The following RNF24 variants were observed in gnomAD, a reference collection of about 807,000 sequenced individuals.
RNF24 encodes ring finger protein 24.
Under a neutral mutation model 20.0 loss-of-function variants are expected in RNF24, and 14 were observed. The observed-to-expected ratio is 0.70, with a 90% CI of 0.46 to 1.10. The LOEUF is 1.10. Ranked by LOEUF, RNF24 falls within the 50% of genes least tolerant of loss-of-function variation. RNF24 has a pLI of 0.00. For synonymous variants in RNF24, 45 were observed against 61.1 expected (o/e 0.74, Z 1.23); for missense variants, 124 against 177.6 (o/e 0.70, Z 1.71).
chr20:3,935,773 C>T (rs958805740), intron 4 of RNF24, among the ~76,000 whole-genome samples: 1 of 152,224 alleles, frequency 6.6e-6, no homozygotes, highest in Non-Finnish European at 1.5e-5. Flanking sequence ...CCCGTGGATA[C>T]CATGTGTCAC....
At chr20:3,979,981 C>G (rs1979245740) in intron 1 of RNF24, among the ~76,000 whole-genome samples, 1 of 151,844 alleles carries the variant, frequency 6.6e-6, no homozygotes. Flanking sequence ...TAATAAAGGT[C>G]AAACAAAAAT....
chr20:3,955,078 T>C (rs567154151), intron 2 of RNF24, among the ~76,000 whole-genome samples: 2 of 152,342 alleles, frequency 1.3e-5, no homozygotes, highest in African/African-American at 4.8e-5. Context: ...GGTATCTCAT[T>C]GTGTTTTTAA....
chr20:3,939,765 G>A (rs2090933326), intron 4 of RNF24, among the ~76,000 whole-genome samples: 1 of 152,094 alleles, frequency 6.6e-6, no homozygotes, highest in South Asian at 2.1e-4. Flanking sequence ...TGAAAAAGAT[G>A]ATTTGGTAAA....
rs528900822 is a variant in RNF24, at chr20:3,931,200, A to C, written c.*2863T>G. On this transcript the variant is annotated 3_prime_UTR_variant, in exon 6 of 6. Transcript: ENST00000358395. ...CACTAACCCATAGCAGACCAGCAAC[A>C]TTCTATCTTTGAGCTGCTTAAGAAA... 9.2e-5 allele frequency: 14 copies of C among 152,350 alleles called. No homozygotes were observed. The highest frequency in any genetic ancestry group is 9.2e-4 in the Admixed American group (14 of 15,296). 9.4% of individuals were successfully genotyped at this position (152,350 alleles called of 1,614,324 possible).
chr20:4,003,054 CT>C (rs1881887412), intron 1 of RNF24, among the ~76,000 whole-genome samples: 1 of 152,366 alleles, frequency 6.6e-6, no homozygotes, highest in East Asian at 1.9e-4. Context: ...ACTGCAACCT[CT>C]GCCGCCCGGG....
In RNF24 at chr20:3,933,667, C is replaced by T. The variant is rs1000903950; in HGVS notation, c.*396G>A. 1.7e-5 allele frequency: 3 copies of T among 172,888 alleles called. No homozygotes were observed. Among genetic ancestry groups the T allele is most frequent in the Non-Finnish European group, 3.6e-5 (3 of 82,250 alleles). 10.7% of individuals were successfully genotyped at this position (172,888 alleles called of 1,614,324 possible). ...GAAGGTTTGCTGCGACAAAGGCCTG[C>T]ATGGCCTACAGAGAAACCCATCCAT... On this transcript the variant is annotated 3_prime_UTR_variant, in exon 6 of 6. Coordinates refer to ENST00000358395, the MANE Select transcript of RNF24 (RefSeq NM_001134337.3).
At chr20:3,982,434 G>A (rs535986425) in intron 1 of RNF24, among the ~76,000 whole-genome samples, 5 of 151,730 alleles carry the variant, frequency 3.3e-5, no homozygotes, top group East Asian at 3.9e-4. Flanking sequence ...AAAATTAGCC[G>A]GGCCTGGTGG....
At chr20:3,989,274 G>C (rs1305643414) in intron 1 of RNF24, among the ~76,000 whole-genome samples, 1 of 152,024 alleles carries the variant, frequency 6.6e-6, no homozygotes, top group Non-Finnish European at 1.5e-5. Flanking sequence ...GGCGGATCAC[G>C]AGGTCAGGAG....
chr20:4,011,833 T>C lies in RNF24; in HGVS notation c.-8+3604A>G, dbSNP rs1018872209. On this transcript the variant is annotated intron_variant, in intron 1 of 5. Transcript: ENST00000358395. ...CAAGTATGAGTGGGAAATGGAAGGA[T>C]AGTTATGTGAGACAGTTAAGTCTTC... is the stretch of plus-strand genomic sequence containing the variant. 7.9e-5 allele frequency among the ~76,000 whole-genome samples: 12 copies of C among 152,180 alleles called. No individual in the cohort carries two copies. In the East Asian group the frequency reaches 9.6e-4, roughly 12 times the overall value.
intron 1 of RNF24, among the ~76,000 whole-genome samples, chr20:3,990,214 G>T (rs1257012771): frequency 6.6e-6 from 1 of 151,740 alleles, no homozygotes; most frequent in African/African-American, 2.4e-5. Flanking sequence ...TCTCAAAATG[G>T]GGAAGGCCTT....
intron 4 of RNF24, among the ~76,000 whole-genome samples, chr20:3,942,496 G>T (rs1170982890): frequency 6.7e-6 from 1 of 149,006 alleles, no homozygotes; most frequent in Non-Finnish European, 1.5e-5. Context: ...TTTTTGAGAC[G>T]GAGTCTTACT....
At chr20:3,995,394 T>C (rs1045261505) in intron 1 of RNF24, among the ~76,000 whole-genome samples, 1 of 152,156 alleles carries the variant, frequency 6.6e-6, no homozygotes, top group Non-Finnish European at 1.5e-5. Context: ...AGGGGCAGGG[T>C]ACAGAATACT....
chr20:3,970,280 A>T (rs985630856), intron 1 of RNF24, among the ~76,000 whole-genome samples: 1 of 152,128 alleles, frequency 6.6e-6, no homozygotes, highest in African/African-American at 2.4e-5. Context: ...TAAATAGGGA[A>T]CCTGGACTTC....
chr20:3,997,922 G>GC (rs1214552177), intron 1 of RNF24, among the ~76,000 whole-genome samples: 1 of 152,176 alleles, frequency 6.6e-6, no homozygotes, highest in Non-Finnish European at 1.5e-5. Context: ...CAGTCCAAAT[G>GC]CCCCACTTTT....
At chr20:3,997,468 C>T (rs1980979802) in intron 1 of RNF24, among the ~76,000 whole-genome samples, 1 of 151,416 alleles carries the variant, frequency 6.6e-6, no homozygotes, top group African/African-American at 2.4e-5. Flanking sequence ...GTTCTGTTGC[C>T]CAGGTTGGAG....
At chr20:3,953,673 A>G (rs935819004) in intron 2 of RNF24, among the ~76,000 whole-genome samples, 2 of 151,990 alleles carry the variant, frequency 1.3e-5, no homozygotes, top group African/African-American at 4.8e-5. Context: ...CATGTTGGCC[A>G]AGATGGTCTC....
intron 2 of RNF24, among the ~76,000 whole-genome samples, chr20:3,962,390 C>T (rs1219624562): frequency 6.6e-6 from 1 of 152,022 alleles, no homozygotes; most frequent in Non-Finnish European, 1.5e-5. Flanking sequence ...AACTCATTGT[C>T]CATTGGTAAT....
chr20:3,988,268 G>C (rs1401812161), intron 1 of RNF24, among the ~76,000 whole-genome samples: 1 of 152,006 alleles, frequency 6.6e-6, no homozygotes, highest in African/African-American at 2.4e-5. Context: ...ATGCTGCAGT[G>C]AGCCGTGATC....
chr20:4,011,905 T>G (rs1472511170), intron 1 of RNF24, among the ~76,000 whole-genome samples: 1 of 152,146 alleles, frequency 6.6e-6, no homozygotes, highest in Non-Finnish European at 1.5e-5. Context: ...AGTGAAGAGC[T>G]AAGAAATAGC....
Sources: gnomAD v4.1 joint callset for allele counts (sites outside exome capture counted in the v4.1 genomes callset) on GRCh38, gnomAD v4.1.1 for gene constraint, MANE v1.5 for transcripts, NCBI Gene and HGNC (gene_info 2026-07-23, HGNC 2026-07-21) for gene names.